Variants in DGKB observed in about 807,000 individuals in gnomAD.
DGKB encodes 90 kDa diacylglycerol kinase.
DGKB carries 67 observed loss-of-function variants against 114.3 expected under a neutral mutation model. That is an observed-to-expected ratio of 0.59 (90% CI 0.48 to 0.72). The LOEUF (loss-of-function observed/expected upper bound fraction) is 0.72, where lower values mean the gene tolerates loss of function less well. DGKB is among the 30% of genes least tolerant of loss of function. The probability of loss-of-function intolerance (pLI) is 0.00; values close to 1 mark genes in which losing one functional copy is unlikely to be tolerated. For missense variants in DGKB, 907 were observed against 975.2 expected (o/e 0.93, Z 0.93); for synonymous variants, 398 against 323.1 (o/e 1.23, Z -2.49).
At chr7:14,158,791 G>T (rs1783427879) in intron 25 of DGKB, among the ~76,000 whole-genome samples, 1 of 152,032 alleles carries the variant, frequency 6.6e-6, no homozygotes, top group South Asian at 2.1e-4. Context: ...CCTGTTTCAA[G>T]GTATTGTTTC....
At chr7:14,822,801 T>G (rs748489532) in intron 2 of DGKB, among the ~76,000 whole-genome samples, 1 of 152,166 alleles carries the variant, frequency 6.6e-6, no homozygotes, top group African/African-American at 2.4e-5. Flanking sequence ...AAAGTGTTAG[T>G]TTCTTCCACA....
intron 1 of DGKB, among the ~76,000 whole-genome samples, chr7:14,910,760 T>C (rs1207195402): frequency 6.6e-6 from 1 of 152,146 alleles, no homozygotes; most frequent in Non-Finnish European, 1.5e-5. Flanking sequence ...ACATTGCTTC[T>C]CCACTTTAAA....
intron 23 of DGKB, among the ~76,000 whole-genome samples, chr7:14,229,792 T>C (rs1791426369): frequency 6.6e-6 from 1 of 151,950 alleles, no homozygotes; most frequent in South Asian, 2.1e-4. Context: ...TTTTGTTAAG[T>C]GTAACAGGAT....
At chr7:14,202,068 T>C (rs894394011) in intron 23 of DGKB, among the ~76,000 whole-genome samples, 81 of 152,130 alleles carry the variant, frequency 5.3e-4, no homozygotes, top group African/African-American at 1.8e-3. Context: ...GTGACAAATA[T>C]ATTTCTTTTG....
At chr7:14,224,166 A>C (rs1345299330) in intron 23 of DGKB, among the ~76,000 whole-genome samples, 3 of 151,792 alleles carry the variant, frequency 2.0e-5, no homozygotes, top group Non-Finnish European at 4.4e-5. Context: ...CCATCTTGCA[A>C]TATGTTAATA....
At chr7:14,176,934 G>C in intron 24 of DGKB, 35 bp from the exon 25 acceptor site, 1 of 1,611,650 alleles carries the variant, frequency 6.2e-7, no homozygotes, top group South Asian at 1.1e-5. Context: ...GTATTGCAAG[G>C]AAATACTTTA....
intron 17 of DGKB, among the ~76,000 whole-genome samples, chr7:14,599,935 A>C (rs1250966330): frequency 6.6e-6 from 1 of 152,128 alleles, no homozygotes; most frequent in African/African-American, 2.4e-5. Flanking sequence ...TTTATTAAAA[A>C]CTTAACTCCT....
At chr7:14,374,978 C>T (rs770642723) in intron 21 of DGKB, among the ~76,000 whole-genome samples, 1 of 152,184 alleles carries the variant, frequency 6.6e-6, no homozygotes, top group Non-Finnish European at 1.5e-5. Flanking sequence ...CTTGCTCATT[C>T]TCTACCTAAA....
At chr7:14,718,741 A>G in intron 5 of DGKB, 56 bp from the exon 6 acceptor site, 1 of 1,309,394 alleles carries the variant, frequency 7.6e-7, no homozygotes, top group South Asian at 1.4e-5. Flanking sequence ...TCTCAAACAG[A>G]AAACAAATTA....
intron 20 of DGKB, among the ~76,000 whole-genome samples, chr7:14,570,875 C>G (rs1798280483): frequency 6.6e-6 from 1 of 152,006 alleles, no homozygotes; most frequent in Non-Finnish European, 1.5e-5. Flanking sequence ...CTGTGTTGTT[C>G]AAAGGTCAAG....
intron 23 of DGKB, among the ~76,000 whole-genome samples, chr7:14,228,257 C>T (rs1028332379): frequency 3.3e-5 from 5 of 151,904 alleles, no homozygotes; most frequent in African/African-American, 9.7e-5. Context: ...TTATTTTTCA[C>T]TTTGAAGGAA....
chr7:14,247,537 C>A (rs951451309), intron 23 of DGKB, among the ~76,000 whole-genome samples: 3 of 152,054 alleles, frequency 2.0e-5, no homozygotes, highest in Non-Finnish European at 2.9e-5. Flanking sequence ...TGATCATAGC[C>A]ATTCTAAAAG....
chr7:14,478,108 T>C (rs2128905153), intron 21 of DGKB, 53 bp downstream of exon 21: 2 of 1,298,862 alleles, frequency 1.5e-6, no homozygotes. Flanking sequence ...GTGATCTTTT[T>C]ATGGCAAAAT....
chr7:14,651,093 T>G (rs1408853432), intron 13 of DGKB, among the ~76,000 whole-genome samples: 1 of 152,106 alleles, frequency 6.6e-6, no homozygotes, highest in African/African-American at 2.4e-5. Flanking sequence ...TACCATTCCT[T>G]CTGAAACTAT....
chr7:14,944,296 C>G (rs1238226389), intron 1 of DGKB, among the ~76,000 whole-genome samples: 4 of 151,644 alleles, frequency 2.6e-5, no homozygotes, highest in Non-Finnish European at 5.9e-5. Context: ...CATTTAACAC[C>G]AATAGCAAGT....
At chr7:14,203,065 T>C (rs187388594) in intron 23 of DGKB, among the ~76,000 whole-genome samples, 2 of 146,940 alleles carry the variant, frequency 1.4e-5, no homozygotes, top group African/African-American at 5.2e-5. Context: ...TCAGTCAACA[T>C]TTTAAAAAAA....
rs778382787 is a variant in DGKB at position 14,583,173 on chromosome 7, G to C, written c.1434-36C>G. ...AGCATGTTATGGCACATGATTAATAGTTTAAAAATAAGATGTTTTCAGTTT... is the reference window on the plus strand; with the variant it reads ...AGCATGTTATGGCACATGATTAATACTTTAAAAATAAGATGTTTTCAGTTT... On this transcript the variant is annotated intron_variant, in intron 17 of 25. Transcript: ENST00000402815. 4 of 1,296,470 alleles carry C rather than the reference G, an allele frequency of 3.1e-6. No homozygotes were observed. In the South Asian group the frequency reaches 5.1e-5, roughly 17 times the overall value. The allele number at this position is 1,296,470 out of a possible 1,614,324, so 80.3% of individuals were successfully genotyped here.
At chr7:14,868,670 A>G (rs1852031597) in intron 1 of DGKB, among the ~76,000 whole-genome samples, 1 of 152,070 alleles carries the variant, frequency 6.6e-6, no homozygotes, top group Admixed American at 6.6e-5. Context: ...CATTTTACCT[A>G]TAATGAGAAA....
chr7:14,272,561 T>A (rs981146482), intron 23 of DGKB, among the ~76,000 whole-genome samples: 2 of 152,216 alleles, frequency 1.3e-5, no homozygotes, highest in African/African-American at 2.4e-5. Context: ...CAAGATTCAT[T>A]GCACAGTAGT....
Sources: allele counts gnomAD v4.1 joint callset (sites outside exome capture counted in the v4.1 genomes callset), GRCh38; gene constraint gnomAD v4.1.1; transcripts MANE v1.5; gene names NCBI Gene and HGNC (gene_info 2026-07-23, HGNC 2026-07-21).